Variants in NECTIN3 observed in about 807,000 individuals in gnomAD.
NECTIN3 encodes the protein nectin-3.
A neutral mutation model predicts 49.4 loss-of-function variants in NECTIN3; 8 were observed. That is an observed-to-expected ratio of 0.16 (90% CI 0.10 to 0.29). The LOEUF (loss-of-function observed/expected upper bound fraction) is 0.29. Ranked by LOEUF, NECTIN3 falls within the 10% of genes least tolerant of loss-of-function variation. The probability of loss-of-function intolerance (pLI) is 1.00; values close to 1 mark genes in which losing one functional copy is unlikely to be tolerated. For missense variants in NECTIN3, 581 were observed against 654.6 expected, an observed-to-expected ratio of 0.89 and a Z score of 1.23; for synonymous variants, 277 against 241.1, an observed-to-expected ratio of 1.15 and a Z score of -1.38.
At chr3:111,077,625 G>C (rs2031310576) in intron 1 of NECTIN3, among the ~76,000 whole-genome samples, 1 of 152,032 alleles carries the variant, frequency 6.6e-6, no homozygotes, top group South Asian at 2.1e-4. Context: ...GGTGAGGTGT[G>C]GAGTCCAAGG....
chr3:111,125,133 A>T (rs1206863276), intron 4 of NECTIN3, among the ~76,000 whole-genome samples: 3 of 140,198 alleles, frequency 2.1e-5, no homozygotes, highest in Non-Finnish European at 4.5e-5. Flanking sequence ...GGTTCAAGTG[A>T]TTCTCCTGCC....
chr3:111,121,169 ATTT>A (rs559875982), intron 3 of NECTIN3, among the ~76,000 whole-genome samples: 1 of 137,582 alleles, frequency 7.3e-6, no homozygotes, highest in Admixed American at 7.3e-5. Context: ...CGCCTGGCTA[ATTT>A]TTTTTTTTTT....
intron 7 of NECTIN3, among the ~76,000 whole-genome samples, chr3:111,165,855 T>G (rs1474341001): frequency 6.6e-6 from 1 of 152,174 alleles, no homozygotes; most frequent in African/African-American, 2.4e-5. Context: ...TAGCCAAATA[T>G]GAATAAAATA....
intron 1 of NECTIN3, among the ~76,000 whole-genome samples, chr3:111,097,877 A>T (rs1358884070): frequency 6.6e-6 from 1 of 152,170 alleles, no homozygotes; most frequent in East Asian, 1.9e-4. Context: ...ACGAATACAC[A>T]TATATAAAAA....
chr3:111,141,974 T>G (rs2034757830), downstream of NECTIN3, among the ~76,000 whole-genome samples: 1 of 151,850 alleles, frequency 6.6e-6, no homozygotes, highest in South Asian at 2.1e-4. Context: ...TATGTTTATT[T>G]GGGTTGGGAA....
Position 111,120,854 on chromosome 3 carries a change from A to G in NECTIN3, c.800-1267A>G, listed in dbSNP as rs556853302. On this transcript the variant is annotated intron_variant, in intron 3 of 5. Transcript: ENST00000485303. Reference sequence around the variant, plus strand: ...GCCTTTCTTTTTATATTCTCTCAGCATCCTACTCTTTTTCTTCTTGGCCCT... The same window carrying G: ...GCCTTTCTTTTTATATTCTCTCAGCGTCCTACTCTTTTTCTTCTTGGCCCT... 1.4e-4 allele frequency among the ~76,000 whole-genome samples: 22 copies of G among 152,154 alleles called. No individual in the cohort carries two copies. In the South Asian group the frequency reaches 4.6e-3, roughly 32 times the overall value.
At chr3:111,073,932 T>TTACTAGATCAACAATTTTTGTAAGACG in intron 1 of NECTIN3, among the ~76,000 whole-genome samples, 1 of 152,224 alleles carries the variant, frequency 6.6e-6, no homozygotes, top group Admixed American at 6.5e-5. Context: ...AAAATCTCAA[T>TTACTAGATCAACAATTTTTGTAAGACG]GTAGCATTGG....
intron 7 of NECTIN3, among the ~76,000 whole-genome samples, chr3:111,186,519 G>A (rs1045853391): frequency 2.0e-5 from 3 of 152,052 alleles, no homozygotes; most frequent in Admixed American, 6.6e-5. Flanking sequence ...ACAGAAAATC[G>A]AAACTGGACC....
chr3:111,149,102 T>C (rs1163141440), intron 7 of NECTIN3, among the ~76,000 whole-genome samples: 2 of 152,160 alleles, frequency 1.3e-5, no homozygotes, highest in African/African-American at 2.4e-5. Context: ...GAATTACCTA[T>C]ACTTTTGCAT....
intron 1 of NECTIN3, among the ~76,000 whole-genome samples, chr3:111,097,539 A>G (rs1475403367): frequency 1.3e-5 from 2 of 152,198 alleles, no homozygotes; most frequent in Admixed American, 1.3e-4. Context: ...CCCAAATCTC[A>G]TCTTCAATTC....
chr3:111,080,181 T>G (rs1055382252), intron 1 of NECTIN3, among the ~76,000 whole-genome samples: 1 of 152,166 alleles, frequency 6.6e-6, no homozygotes, highest in South Asian at 2.1e-4. Context: ...TAAGAAATTA[T>G]GTTTGCCGTT....
At chr3:111,101,568 G>A (rs2032909223) in intron 1 of NECTIN3, among the ~76,000 whole-genome samples, 1 of 152,094 alleles carries the variant, frequency 6.6e-6, no homozygotes, top group Admixed American at 6.6e-5. Flanking sequence ...AAAGGAAGTT[G>A]ACTTTTATTG....
At chr3:111,171,766 T>C (rs2035437250) in intron 7 of NECTIN3, among the ~76,000 whole-genome samples, 1 of 148,676 alleles carries the variant, frequency 6.7e-6, no homozygotes, top group African/African-American at 2.5e-5. Flanking sequence ...CCTGGTAAGT[T>C]AAAAAAAAAA....
chr3:111,190,005 C>G (rs1204519093), upstream of NECTIN3, among the ~76,000 whole-genome samples: 2 of 152,204 alleles, frequency 1.3e-5, no homozygotes, highest in Non-Finnish European at 2.9e-5. Context: ...AAAAACCACA[C>G]AGCAGGAGGC....
intron 4 of NECTIN3, among the ~76,000 whole-genome samples, chr3:111,122,961 G>T (rs1053575580): frequency 1.3e-5 from 2 of 151,198 alleles, no homozygotes; most frequent in African/African-American, 4.9e-5. Context: ...CCTGTTTATT[G>T]TATAATAAAT....
intron 7 of NECTIN3, among the ~76,000 whole-genome samples, chr3:111,176,018 G>A (rs951391271): frequency 1.3e-5 from 2 of 152,148 alleles, no homozygotes; most frequent in East Asian, 1.9e-4. Context: ...GTCAAGAAAT[G>A]TCATCCTGCA....
chr3:111,189,697 G>T (rs2035780314), upstream of NECTIN3, among the ~76,000 whole-genome samples: 2 of 152,204 alleles, frequency 1.3e-5, no homozygotes, highest in Admixed American at 1.3e-4. Context: ...CTTTGACCAG[G>T]ACCAGCTACA....
At chr3:111,101,271 A>G (rs1250105363) in intron 1 of NECTIN3, among the ~76,000 whole-genome samples, 1 of 152,140 alleles carries the variant, frequency 6.6e-6, no homozygotes, top group Non-Finnish European at 1.5e-5. Context: ...TGAAATTAAA[A>G]CATAGCAATT....
chr3:111,108,431 A>G (rs181898075), intron 1 of NECTIN3, among the ~76,000 whole-genome samples: 26 of 152,132 alleles, frequency 1.7e-4, no homozygotes, highest in African/African-American at 4.1e-4. Context: ...GTATCTCCCA[A>G]TACTCCTTTT....
Sources: gnomAD v4.1 joint callset for allele counts (sites outside exome capture counted in the v4.1 genomes callset) on GRCh38, gnomAD v4.1.1 for gene constraint, MANE v1.5 for transcripts, NCBI Gene and HGNC (gene_info 2026-07-23, HGNC 2026-07-21) for gene names.